The following SPMIP2 variants were observed in gnomAD, a reference collection of about 807,000 sequenced individuals.
SPMIP2 encodes the protein sperm microtubule inner protein 2, also known as protein SPMIP2.
At chr4:158,908,178 G>A in the SPMIP2 span, 2 of 152,150 alleles carry the variant, frequency 1.3e-5, no homozygotes, top group Non-Finnish European at 2.9e-5. Context: ...TTTTGGAAAT[G>A]CAGGGACATT....
the SPMIP2 span, among the ~76,000 whole-genome samples, chr4:158,935,252 C>T: frequency 3.3e-5 from 5 of 152,278 alleles, no homozygotes; most frequent in Middle Eastern, 3.4e-3. Flanking sequence ...TCCTTTCCTG[C>T]CTCCACCTCC....
chr4:159,002,573 T>C, the SPMIP2 span, among the ~76,000 whole-genome samples: 1 of 152,154 alleles, frequency 6.6e-6, no homozygotes, highest in Non-Finnish European at 1.5e-5. Context: ...TGTTTTCTTT[T>C]AGAAGTTTTA....
the SPMIP2 span, among the ~76,000 whole-genome samples, chr4:158,946,961 G>T: frequency 6.6e-6 from 1 of 152,056 alleles, no homozygotes; most frequent in Admixed American, 6.6e-5. Flanking sequence ...TGGCTACAGG[G>T]GTAACAACTA....
chr4:158,898,781 CAG>C, the SPMIP2 span, among the ~76,000 whole-genome samples: 1 of 152,192 alleles, frequency 6.6e-6, no homozygotes, highest in South Asian at 2.1e-4. Context: ...CATCTGCAAA[CAG>C]AGACAATTTG....
the SPMIP2 span, among the ~76,000 whole-genome samples, chr4:158,980,611 G>A: frequency 6.6e-6 from 1 of 152,204 alleles, no homozygotes; most frequent in East Asian, 1.9e-4. Flanking sequence ...CAGCAGAGAG[G>A]CCTGACTGTT....
chr4:158,913,672 C>T, the SPMIP2 span, among the ~76,000 whole-genome samples: 1 of 152,054 alleles, frequency 6.6e-6, no homozygotes, highest in Non-Finnish European at 1.5e-5. Flanking sequence ...AGTAAAGGGT[C>T]TAGCCTGTAG....
the SPMIP2 span, chr4:158,906,361 C>T: frequency 1.3e-5 from 2 of 152,166 alleles, no homozygotes; most frequent in Non-Finnish European, 2.9e-5. Context: ...TTCTTGTTTA[C>T]ATGTTTTGGG....
chr4:159,042,651 G>T, the SPMIP2 span, among the ~76,000 whole-genome samples: 1 of 152,022 alleles, frequency 6.6e-6, no homozygotes, highest in African/African-American at 2.4e-5. Context: ...GACTCACTAG[G>T]TACTTTTTTT....
chr4:158,976,498 G>C, the SPMIP2 span, among the ~76,000 whole-genome samples: 1 of 151,966 alleles, frequency 6.6e-6, no homozygotes, highest in Non-Finnish European at 1.5e-5. Context: ...AGCATGAAGG[G>C]GGGTTGAATT....
chr4:159,059,086 ATATCATAGGATGGCTTAGTAAAAT>A, the SPMIP2 span, among the ~76,000 whole-genome samples: 1 of 152,270 alleles, frequency 6.6e-6, no homozygotes, highest in African/African-American at 2.4e-5. Flanking sequence ...GAATGCAGAC[ATATCATAGGATGGCTTAGTAAAAT>A]GAACAAAAAC....
chr4:158,981,923 A>G, the SPMIP2 span, among the ~76,000 whole-genome samples: 2 of 151,948 alleles, frequency 1.3e-5, no homozygotes, highest in Non-Finnish European at 1.5e-5. Context: ...TAAAAGACAC[A>G]AGACTGGAAA....
At chr4:158,973,899 T>C in the SPMIP2 span, among the ~76,000 whole-genome samples, 1 of 147,930 alleles carries the variant, frequency 6.8e-6, no homozygotes, top group African/African-American at 2.5e-5. Flanking sequence ...GGTAAGAGGA[T>C]TGCTTAAGCC....
the SPMIP2 span, chr4:159,035,082 T>A: frequency 1.9e-6 from 3 of 1,613,204 alleles, no homozygotes; most frequent in South Asian, 2.2e-5. Context: ...GCTTTTGGTA[T>A]GATACAGATG....
At chr4:159,015,704 C>A in the SPMIP2 span, among the ~76,000 whole-genome samples, 34 of 152,056 alleles carry the variant, frequency 2.2e-4, no homozygotes, top group African/African-American at 8.2e-4. Flanking sequence ...TATCACTTCT[C>A]GGCCTTTTGG....
At chr4:158,967,003 T>C in the SPMIP2 span, among the ~76,000 whole-genome samples, 140 of 152,336 alleles carry the variant, frequency 9.2e-4, no homozygotes, top group Non-Finnish European at 1.6e-3. Context: ...AGGCTTCCCA[T>C]TCCAAACGCA....
chr4:158,957,512 C>T, the SPMIP2 span, among the ~76,000 whole-genome samples: 26 of 152,136 alleles, frequency 1.7e-4, no homozygotes, highest in African/African-American at 6.0e-4. Context: ...CTGCAACCTC[C>T]ATCTCCTGGG....
the SPMIP2 span, among the ~76,000 whole-genome samples, chr4:159,005,819 C>T: frequency 6.6e-6 from 1 of 152,106 alleles, no homozygotes; most frequent in African/African-American, 2.4e-5. Context: ...GGCTGGAGGG[C>T]AGTGGTGCAA....
the SPMIP2 span, among the ~76,000 whole-genome samples, chr4:158,977,693 C>A: frequency 6.9e-6 from 1 of 144,800 alleles, no homozygotes; most frequent in African/African-American, 2.6e-5. Flanking sequence ...CGGCTCACTG[C>A]AAGCTCTGCC....
chr4:159,078,436 T>C, the SPMIP2 span, among the ~76,000 whole-genome samples: 1 of 152,262 alleles, frequency 6.6e-6, no homozygotes, highest in African/African-American at 2.4e-5. Flanking sequence ...GAAATGGCTC[T>C]GTCCTAAGGG....
Sources: allele counts gnomAD v4.1 joint callset (sites outside exome capture counted in the v4.1 genomes callset), GRCh38; gene constraint gnomAD v4.1.1; transcripts MANE v1.5; gene names NCBI Gene and HGNC (gene_info 2026-07-23, HGNC 2026-07-21).